APRT: variants seen among roughly 807,000 people sequenced by gnomAD.
APRT encodes adenine phosphoribosyltransferase.
In APRT, 25 loss-of-function variants were observed where a neutral mutation model predicts 21.0. That is an observed-to-expected ratio of 1.19 (90% CI 0.87 to 1.66). The LOEUF (loss-of-function observed/expected upper bound fraction) is 1.66. APRT is among the 40% of genes most tolerant of loss of function. The pLI is 0.00. For missense variants in APRT, 294 were observed against 232.7 expected (o/e 1.26, Z -1.72); for synonymous variants, 153 against 109.0 (o/e 1.40, Z -2.52).
chr16:88,809,850 G>A lies in APRT; in HGVS notation c.401-10C>T, dbSNP rs775925348. 6 of 1,610,064 alleles carry A rather than the reference G, an allele frequency of 3.7e-6. No individual in the cohort carries two copies. Among genetic ancestry groups the A allele is most frequent in the Non-Finnish European group, 5.1e-6 (6 of 1,179,634 alleles). On this transcript the variant is annotated splice_polypyrimidine_tract_variant and intron_variant, in intron 4 of 4. Coordinates refer to ENST00000378364, the MANE Select transcript of APRT (RefSeq NM_000485.3). ...GCAGCGTTCATGGTTCCTGGGGATG[G>A]GAGGGTGAGGTCCCCAGTTGGCCTG...
intron 2 of APRT, chr16:88,811,024 C>G (rs1284209096): frequency 3.0e-5 from 8 of 269,936 alleles, no homozygotes; most frequent in Non-Finnish European, 5.0e-5. Context: ...TGTTGTGGCT[C>G]CAGCAAGAGC....
chr16:88,811,513 G>A (rs1490060977), intron 2 of APRT, 37 bp downstream of exon 2: 29 of 1,544,008 alleles, frequency 1.9e-5, no homozygotes, highest in Non-Finnish European at 2.2e-5. Context: ...CGCGCGCAGA[G>A]GCGGAAGCGC....
intron 3 of APRT, 135 bp from the exon 4 acceptor site, chr16:88,810,283 T>G (rs2088167000): frequency 6.7e-7 from 1 of 1,500,952 alleles, no homozygotes; most frequent in African/African-American, 1.4e-5. Flanking sequence ...CCAGCCTATG[T>G]CTCAACCTCT....
chr16:88,811,890 A>T lies in APRT; in HGVS notation c.10T>A (p.Ser4Thr). The T allele has an allele frequency of 2.6e-6, 4 of 1,556,338 alleles. No individual in the cohort carries two copies. Among genetic ancestry groups the T allele is most frequent in the Non-Finnish European group, 2.6e-6 (3 of 1,153,086 alleles). The change falls in exon 1 of 5, where the codon TCC (serine) becomes ACC (threonine). Residue 4 changes from serine (S) to threonine (T), a missense_variant. Transcript: ENST00000378364. Reference protein sequence around the residue: MADSELQLVEQRIR... With the variant: MADTELQLVEQRIR... ...CGCTGCTCAACCAGCTGCAGCTCGG[A>T]GTCGGCCATGGCCGCGTGCGAAGAG...
At chr16:88,810,935 C>A (rs767640087) in intron 2 of APRT, among the ~76,000 whole-genome samples, 1 of 152,046 alleles carries the variant, frequency 6.6e-6, no homozygotes, top group Non-Finnish European at 1.5e-5. Flanking sequence ...GGTTGGGGGA[C>A]GCTCAGGGAA....
intron 2 of APRT, 42 bp from the exon 3 acceptor site, chr16:88,810,598 T>TCCCCAGGGGCCAAC: frequency 6.2e-7 from 1 of 1,603,432 alleles, no homozygotes; most frequent in Non-Finnish European, 8.5e-7. Flanking sequence ...AGCATGGGAA[T>TCCCCAGGGGCCAAC]CCCCAGGGGC....
At position 88,811,861 on chromosome 16, in the gene APRT, G is replaced by A; in HGVS notation, c.39C>T (p.Ile13=). The change falls in exon 1 of 5, where the codon ATC becomes ATT. Residue 13 remains isoleucine, a synonymous_variant. Transcript: ENST00000378364. ...GGGTGGGGAAGTCGGGGAAGCTGCGGATCCGCTGCTCAACCAGCTGCAGCT... is the reference window on the plus strand; with the variant it reads ...GGGTGGGGAAGTCGGGGAAGCTGCGAATCCGCTGCTCAACCAGCTGCAGCT... ...DSELQLVEQR[I]RSFPDFPTPG... 2 of 1,571,808 alleles carry A rather than the reference G, an allele frequency of 1.3e-6. No homozygotes were observed. Among genetic ancestry groups the A allele is most frequent in the Non-Finnish European group, 8.6e-7 (1 of 1,160,738 alleles).
chr16:88,811,132 G>T, intron 2 of APRT: 1 of 382,738 alleles, frequency 2.6e-6, no homozygotes, highest in Non-Finnish European at 4.7e-6. Flanking sequence ...GCCACCTCTT[G>T]GGCTCTCCCG....
intron 2 of APRT, 27 bp downstream of exon 2, chr16:88,811,523 C>T (rs1909137693): frequency 6.4e-7 from 1 of 1,560,212 alleles, no homozygotes; most frequent in South Asian, 1.2e-5. Context: ...GGCGGAAGCG[C>T]CCTAGATGCG....
chr16:88,810,931 G>A (rs1250046368), intron 2 of APRT, among the ~76,000 whole-genome samples: 2 of 152,098 alleles, frequency 1.3e-5, no homozygotes, highest in Non-Finnish European at 1.5e-5. Flanking sequence ...TGATGGTTGG[G>A]GGACGCTCAG....
chr16:88,811,203 G>T, intron 2 of APRT: 1 of 473,924 alleles, frequency 2.1e-6, no homozygotes, highest in Non-Finnish European at 3.7e-6. Context: ...GGGAAGGCCT[G>T]GCTCGTGGCA....
rs540422079 is a variant in APRT, at chr16:88,811,326, C to T, written c.187+224G>A. 1,259 of 589,230 alleles carry T rather than the reference C, an allele frequency of 2.1e-3. 9 individuals carry two copies. The highest frequency in any genetic ancestry group is 0.015 in the Middle Eastern group (34 of 2,296). The allele number at this position is 589,230 out of a possible 1,614,324, so 36.5% of individuals were successfully genotyped here. A position where few individuals can be genotyped will look rare whatever the true frequency, so the allele number is the denominator to read the frequency against. On this transcript the variant is annotated intron_variant, in intron 2 of 4. Transcript: ENST00000378364. ...GACCCGGCAACTCGGTCACGCCTGTCCTGGGCTGGGGACCCGGAACCTGCG... is the reference window on the plus strand; with the variant it reads ...GACCCGGCAACTCGGTCACGCCTGTTCTGGGCTGGGGACCCGGAACCTGCG...
At chr16:88,811,529 A>G (rs1165715770) in intron 2 of APRT, 21 bp downstream of exon 2, 7 of 1,568,196 alleles carry the variant, frequency 4.5e-6, no homozygotes, top group Non-Finnish European at 6.0e-6. Flanking sequence ...AGCGCCCTAG[A>G]TGCGGCCACT....
intron 2 of APRT, 109 bp from the exon 3 acceptor site, chr16:88,810,665 C>T: frequency 7.3e-7 from 1 of 1,379,156 alleles, no homozygotes; most frequent in Non-Finnish European, 1.0e-6. Context: ...AGGCCAGTGA[C>T]ATGCACCATT....
Position 88,811,834 on chromosome 16 carries a change from TG to T in APRT, c.65del (p.Pro22GlnfsTer12). On this transcript the variant is annotated frameshift_variant, in exon 1 of 5. Coordinates refer to ENST00000378364, the MANE Select transcript of APRT (RefSeq NM_000485.3). LOFTEE classifies it high-confidence loss of function. The part of the protein sequence containing the change: ...RIRSFPDFPT[P>X]GVVFRDISPV... Reference sequence around the variant, plus strand: ...TGTGCGTGCACCTGAATACCACGCCTGGGGTGGGGAAGTCGGGGAAGCTGCG... The same window carrying T: ...TGTGCGTGCACCTGAATACCACGCCTGGGTGGGGAAGTCGGGGAAGCTGCG... The T allele has an allele frequency of 6.4e-7, 1 of 1,571,590 alleles. No individual in the cohort carries two copies. The highest frequency in any genetic ancestry group is 8.6e-7 in the Non-Finnish European group (1 of 1,160,270).
At position 88,810,572 on chromosome 16, in the gene APRT, A is replaced by T; in HGVS notation, c.188-16T>A. 5 of 1,609,682 alleles carry T rather than the reference A, an allele frequency of 3.1e-6. No individual in the cohort carries two copies. The highest frequency in any genetic ancestry group is 4.2e-6 in the Non-Finnish European group (5 of 1,179,012). ...GAGTCTAGGCCTGTCAGGGTAAGTGACAGGAGTGACTCGGCAGCATGGGAA... is the reference window on the plus strand; with the variant it reads ...GAGTCTAGGCCTGTCAGGGTAAGTGTCAGGAGTGACTCGGCAGCATGGGAA... On this transcript the variant is annotated splice_polypyrimidine_tract_variant and intron_variant, in intron 2 of 4. Coordinates refer to ENST00000378364, the MANE Select transcript of APRT (RefSeq NM_000485.3).
At position 88,809,962 on chromosome 16, in the gene APRT, G is replaced by A. The variant is rs990183908; in HGVS notation, c.400+108C>T. The A allele has an allele frequency of 7.0e-6, 11 of 1,564,022 alleles. No individual in the cohort carries two copies. In the African/African-American group the frequency reaches 1.1e-4, roughly 15 times the overall value. ...AGGAAGGTGTCGGCCTGGCCACCAG[G>A]CACCCTCTGGACAACAGTAAGCTGC... On this transcript the variant is annotated intron_variant, in intron 4 of 4. Transcript: ENST00000378364.
At chr16:88,810,041 A>G (rs770492274) in intron 4 of APRT, 29 bp downstream of exon 4, 10 of 1,611,282 alleles carry the variant, frequency 6.2e-6, no homozygotes, top group Non-Finnish European at 8.5e-6. Flanking sequence ...CCTTGGAGCC[A>G]CAGCAGTTGG....
chr16:88,811,572 C>T lies in APRT; in HGVS notation c.165G>A (p.Gly55=). 6.2e-7 allele frequency: 1 copy of T among 1,600,760 alleles called. No individual in the cohort carries two copies. The highest frequency in any genetic ancestry group is 8.5e-7 in the Non-Finnish European group (1 of 1,174,810). The stretch of plus-strand genomic sequence containing the variant: ...CGCCTGCGATGTAGTCGATGCGGCC[C>T]CCGTGGGTCGCCTTCAGGTGTCGCG... ...LLARHLKATH[G]GRIDYIAGLD... Residue 55 remains glycine (G), a synonymous_variant, in exon 2 of 5, where the codon GGG becomes GGA. Transcript: ENST00000378364.
Sources: allele counts gnomAD v4.1 joint callset (sites outside exome capture counted in the v4.1 genomes callset), GRCh38; gene constraint gnomAD v4.1.1; transcripts MANE v1.5; gene names NCBI Gene and HGNC (gene_info 2026-07-23, HGNC 2026-07-21).